Variants in CDC123 observed in about 807,000 individuals in gnomAD.
The protein encoded by CDC123 is translation initiation factor eIF2 assembly protein.
Under a neutral mutation model 54.4 loss-of-function variants are expected in CDC123, and 37 were observed. That is an observed-to-expected ratio of 0.68 (90% confidence interval 0.52 to 0.89). The LOEUF (loss-of-function observed/expected upper bound fraction) is 0.89. Among genes scored for constraint, CDC123 ranks in the 40% least tolerant of loss-of-function variants. CDC123 has a pLI of 0.00. For missense variants in CDC123, 361 were observed against 412.1 expected, an observed-to-expected ratio of 0.88 and a Z score of 1.07; for synonymous variants, 144 against 136.8, an observed-to-expected ratio of 1.05 and a Z score of -0.37.
chr10:12,217,285 G>T, intron 5 of CDC123, 76 bp from the exon 6 acceptor site: 1 of 1,419,330 alleles, frequency 7.0e-7, no homozygotes, highest in South Asian at 1.4e-5. Context: ...ATGCATTATT[G>T]ATTTTGTTAT....
At chr10:12,204,202 T>A (rs1429327596) in intron 2 of CDC123, among the ~76,000 whole-genome samples, 2 of 152,178 alleles carry the variant, frequency 1.3e-5, no homozygotes, top group Admixed American at 6.5e-5. Flanking sequence ...AAGGTGATAC[T>A]TGAACTGAGC....
At chr10:12,202,296 G>C in intron 2 of CDC123, among the ~76,000 whole-genome samples, 1 of 152,164 alleles carries the variant, frequency 6.6e-6, no homozygotes, top group East Asian at 1.9e-4. Flanking sequence ...GTCAGTTCTA[G>C]AATTTCGTAT....
chr10:12,200,119 CATTTT>C (rs1835420762), intron 2 of CDC123, among the ~76,000 whole-genome samples: 1 of 24,272 alleles, frequency 4.1e-5, no homozygotes, highest in African/African-American at 1.1e-4. Context: ...CCGCACTCGG[CATTTT>C]TTTTTTTTTT....
chr10:12,210,424 A>G, intron 4 of CDC123, 102 bp downstream of exon 4: 2 of 1,362,018 alleles, frequency 1.5e-6, no homozygotes, highest in South Asian at 2.8e-5. Flanking sequence ...CTAGTCAGTC[A>G]CCATCTCATA....
intron 6 of CDC123, among the ~76,000 whole-genome samples, chr10:12,228,504 C>G (rs1835858219): frequency 6.6e-6 from 1 of 151,702 alleles, no homozygotes; most frequent in Non-Finnish European, 1.5e-5. Flanking sequence ...CTCCTGGATT[C>G]AAGCAGTTCT....
intron 10 of CDC123, among the ~76,000 whole-genome samples, chr10:12,239,990 A>G (rs1174094201): frequency 8.7e-5 from 13 of 148,798 alleles, no homozygotes; most frequent in Non-Finnish European, 1.3e-4. Flanking sequence ...CCTGGGCTAC[A>G]GAGCGAGACT....
chr10:12,233,266 G>A (rs1835926594), intron 7 of CDC123, among the ~76,000 whole-genome samples: 1 of 138,322 alleles, frequency 7.2e-6, no homozygotes, highest in African/African-American at 2.7e-5. Flanking sequence ...TCCTGTCTGT[G>A]TGTATTTAAA....
intron 10 of CDC123, among the ~76,000 whole-genome samples, chr10:12,241,469 C>T (rs1485042025): frequency 1.3e-5 from 2 of 151,940 alleles, no homozygotes; most frequent in Admixed American, 1.3e-4. Context: ...GGCTTTTGTT[C>T]CTTTGCGTGT....
chr10:12,229,921 C>G (rs1209068448), intron 6 of CDC123, among the ~76,000 whole-genome samples: 1 of 152,200 alleles, frequency 6.6e-6, no homozygotes, highest in African/African-American at 2.4e-5. Flanking sequence ...AAGTAGGCTG[C>G]TGGCTCCACT....
chr10:12,212,839 C>T (rs959194692), intron 4 of CDC123, among the ~76,000 whole-genome samples: 3 of 152,140 alleles, frequency 2.0e-5, no homozygotes, highest in African/African-American at 4.8e-5. Flanking sequence ...GGGTCCCATC[C>T]CCATTATGTA....
chr10:12,239,763 C>T (rs1836031678), intron 10 of CDC123, among the ~76,000 whole-genome samples: 1 of 150,208 alleles, frequency 6.7e-6, no homozygotes, highest in Admixed American at 6.6e-5. Context: ...AATCCCAGCA[C>T]TTTGGGAGGC....
intron 10 of CDC123, among the ~76,000 whole-genome samples, chr10:12,239,710 TAAAAA>T (rs34401171): frequency 1.4e-5 from 2 of 145,090 alleles, no homozygotes; most frequent in South Asian, 2.2e-4. Flanking sequence ...CTCTGTTTTT[TAAAAA>T]AAAAAAAAAG....
At chr10:12,219,345 G>GTGTGTGTC (rs1316949342) in intron 6 of CDC123, among the ~76,000 whole-genome samples, 15 of 151,994 alleles carry the variant, frequency 9.9e-5, no homozygotes. Flanking sequence ...TGTGTGTGTG[G>GTGTGTGTC]TGTGTGTCTG....
chr10:12,245,937 G>GTGCA, intron 10 of CDC123: 1 of 457,144 alleles, frequency 2.2e-6, no homozygotes. Flanking sequence ...GCATGTGGTG[G>GTGCA]TGCATGCCTG....
In CDC123 at chr10:12,250,098, T is replaced by C. The variant is rs903335107; in HGVS notation, c.985-213T>C. 8 of 485,458 alleles carry C rather than the reference T, an allele frequency of 1.6e-5. No homozygotes were observed. The Admixed American group carries it at 3.1e-4, about 19-fold the overall frequency. The allele number at this position is 485,458 out of a possible 1,614,324, so 30.1% of individuals were successfully genotyped here. A position where few individuals can be genotyped will look rare whatever the true frequency, so the allele number is the denominator to read the frequency against. On this transcript the variant is annotated intron_variant, in intron 12 of 12. Coordinates refer to ENST00000281141, the MANE Select transcript of CDC123 (RefSeq NM_006023.3). ...GTGGATTTCTGTGTAGGAGTTTTTG[T>C]ATGTATGGAAGAAAGAGAAGAAAAT...
chr10:12,213,809 A>G (rs1835632551), intron 4 of CDC123, among the ~76,000 whole-genome samples: 1 of 152,212 alleles, frequency 6.6e-6, no homozygotes, highest in Admixed American at 6.5e-5. Context: ...GATCAGGAAT[A>G]TTGAAATGAG....
At chr10:12,236,036 G>A (rs551769327) in intron 8 of CDC123, among the ~76,000 whole-genome samples, 1 of 152,320 alleles carries the variant, frequency 6.6e-6, no homozygotes, top group South Asian at 2.1e-4. Context: ...TTGAACGAGA[G>A]CAGGCTGTGA....
At chr10:12,220,837 C>T (rs1225729352) in intron 6 of CDC123, among the ~76,000 whole-genome samples, 5 of 151,972 alleles carry the variant, frequency 3.3e-5, no homozygotes, top group African/African-American at 9.7e-5. Flanking sequence ...ATTAGCCGGG[C>T]GTGGTGGCGG....
At chr10:12,239,723 AAG>A (rs1245233224) in intron 10 of CDC123, among the ~76,000 whole-genome samples, 1 of 80,320 alleles carries the variant, frequency 1.2e-5, no homozygotes, top group Non-Finnish European at 2.6e-5. Context: ...AAAAAAAAAA[AAG>A]GGGCCGGGCG....
Sources: allele counts gnomAD v4.1 joint callset (sites outside exome capture counted in the v4.1 genomes callset), GRCh38; gene constraint gnomAD v4.1.1; transcripts MANE v1.5; gene names NCBI Gene and HGNC (gene_info 2026-07-23, HGNC 2026-07-21).